Variants in OTULIN observed in about 807,000 individuals in gnomAD.
OTULIN encodes the protein ubiquitin thioesterase otulin.
A neutral mutation model predicts 39.6 loss-of-function variants in OTULIN; 15 were observed. That is an observed-to-expected ratio of 0.38 (90% CI 0.25 to 0.58). The LOEUF is 0.58. Among genes scored for constraint, OTULIN ranks in the 20% least tolerant of loss-of-function variants. The probability of loss-of-function intolerance (pLI) is 0.66; values close to 1 mark genes in which losing one functional copy is unlikely to be tolerated. For synonymous variants in OTULIN, 156 were observed against 170.3 expected (o/e 0.92, Z 0.65); for missense variants, 319 against 445.9 (o/e 0.72, Z 2.56).
chr5:14,713,645 G>A, the OTULIN span: 59 of 1,614,132 alleles, frequency 3.7e-5, 1 homozygote, highest in South Asian at 2.1e-4. The surrounding 1 kb of genome is among the most constrained non-coding windows in gnomAD (Gnocchi z 4.4). Flanking sequence ...TCAGCCACCC[G>A]GTGAGATGCG....
chr5:14,674,245 A>T (rs1736045996), intron 2 of OTULIN: 1 of 152,976 alleles, frequency 6.5e-6, no homozygotes, highest in African/African-American at 2.4e-5. Context: ...TGCCGGAGTG[A>T]GGTGTTACTC....
At chr5:14,676,940 G>A (rs1387812616) in intron 2 of OTULIN, among the ~76,000 whole-genome samples, 1 of 152,144 alleles carries the variant, frequency 6.6e-6, no homozygotes, top group Non-Finnish European at 1.5e-5. Flanking sequence ...ATTGGTCTTT[G>A]TGGTCCCTGT....
chr5:14,667,742 C>T (rs969591691), intron 1 of OTULIN, among the ~76,000 whole-genome samples: 1 of 152,182 alleles, frequency 6.6e-6, no homozygotes, highest in African/African-American at 2.4e-5. Context: ...TTTTTCCATA[C>T]ACCCAGCAGC....
chr5:14,713,068 G>T, the OTULIN span: 1 of 1,199,666 alleles, frequency 8.3e-7, no homozygotes, highest in Non-Finnish European at 1.2e-6. The surrounding 1 kb of genome is among the most constrained non-coding windows in gnomAD (Gnocchi z 4.4). Flanking sequence ...GTAGCCTCGA[G>T]ACGGCTGAGA....
intron 2 of OTULIN, among the ~76,000 whole-genome samples, chr5:14,676,030 C>G (rs1001807986): frequency 2.0e-5 from 3 of 152,162 alleles, no homozygotes; most frequent in Non-Finnish European, 2.9e-5. Flanking sequence ...CAAGCCTTAA[C>G]TTATTTCCTG....
At chr5:14,665,069 G>A in intron 1 of OTULIN, 92 bp downstream of exon 1, 1 of 748,988 alleles carries the variant, frequency 1.3e-6, no homozygotes. Context: ...TCAGCGGAGG[G>A]TCCTGGGCGT....
chr5:14,669,633 TGTG>T (rs1230451054), intron 1 of OTULIN, among the ~76,000 whole-genome samples: 3 of 152,098 alleles, frequency 2.0e-5, no homozygotes, highest in African/African-American at 7.2e-5. Context: ...ATTAGCCAGA[TGTG>T]GTGGTGCATG....
At chr5:14,685,993 T>G (rs980055314) in intron 4 of OTULIN, among the ~76,000 whole-genome samples, 4 of 152,164 alleles carry the variant, frequency 2.6e-5, no homozygotes, top group Non-Finnish European at 4.4e-5. Flanking sequence ...AGCCTTTAGG[T>G]GGGTGGTCAT....
At chr5:14,702,158 G>A (rs1394174686), downstream of OTULIN, among the ~76,000 whole-genome samples, 1 of 152,218 alleles carries the variant, frequency 6.6e-6, no homozygotes, top group African/African-American at 2.4e-5. Flanking sequence ...GGCGCTTGGG[G>A]ACTTGACTGA....
intron 6 of OTULIN, among the ~76,000 whole-genome samples, chr5:14,691,873 T>G (rs1002322236): frequency 5.3e-5 from 8 of 152,228 alleles, no homozygotes; most frequent in Non-Finnish European, 1.0e-4. Flanking sequence ...CTTATTTGAT[T>G]TAGCATAATG....
intron 4 of OTULIN, among the ~76,000 whole-genome samples, chr5:14,685,951 C>G (rs1047760055): frequency 2.9e-4 from 44 of 152,322 alleles, no homozygotes; most frequent in African/African-American, 9.4e-4. Context: ...TGCCGAAACG[C>G]AGGGCAGTGT....
chr5:14,707,814 G>A, the OTULIN span: 1 of 152,186 alleles, frequency 6.6e-6, no homozygotes, highest in East Asian at 1.9e-4. Context: ...ACATTTCCAA[G>A]CCAAACTACC....
chr5:14,682,331 A>G (rs1560997603), intron 4 of OTULIN, among the ~76,000 whole-genome samples: 1 of 152,210 alleles, frequency 6.6e-6, no homozygotes. Context: ...TTGAATTGCA[A>G]AAAAAGAAAT....
intron 1 of OTULIN, among the ~76,000 whole-genome samples, chr5:14,665,892 G>A (rs1392650775): frequency 6.6e-6 from 1 of 152,146 alleles, no homozygotes; most frequent in African/African-American, 2.4e-5. Flanking sequence ...AGCCCCCTTG[G>A]GATGGTGTTA....
At chr5:14,684,509 G>A (rs940828981) in intron 4 of OTULIN, among the ~76,000 whole-genome samples, 3 of 152,218 alleles carry the variant, frequency 2.0e-5, no homozygotes, top group African/African-American at 7.2e-5. Context: ...GTGGCCCGCA[G>A]ACCCTCCTGT....
intron 1 of OTULIN, among the ~76,000 whole-genome samples, chr5:14,665,359 C>T (rs541632401): frequency 2.8e-4 from 42 of 152,268 alleles, no homozygotes; most frequent in African/African-American, 9.9e-4. Flanking sequence ...CTGCAGCCGC[C>T]GGAGAACGGC....
chr5:14,681,424 C>T (rs769108997), intron 3 of OTULIN, 40 bp from the exon 4 acceptor site: 2 of 1,564,528 alleles, frequency 1.3e-6, no homozygotes, highest in African/African-American at 2.7e-5. Flanking sequence ...TATCTCAAGT[C>T]AGTAACGACC....
At position 14,695,099 on chromosome 5, in the gene OTULIN, G is replaced by A. The variant is rs1736632106; in HGVS notation, c.*2051G>A. On this transcript the variant is annotated 3_prime_UTR_variant, in exon 7 of 7. Transcript: ENST00000284274. ...TTCTAATCTTAGTGAACTTGAATTGGATTTCTGGGTAAAAGAATGTGTTTC... is the reference window on the plus strand; with the variant it reads ...TTCTAATCTTAGTGAACTTGAATTGAATTTCTGGGTAAAAGAATGTGTTTC... 1 of 152,106 alleles carries A rather than the reference G, an allele frequency of 6.6e-6. No homozygotes were observed. The highest frequency in any genetic ancestry group is 2.4e-5 in the African/African-American group (1 of 41,414). The allele number at this position is 152,106 out of a possible 1,614,324, so 9.4% of individuals were successfully genotyped here.
At chr5:14,712,831 G>C in the OTULIN span, 2 of 1,542,070 alleles carry the variant, frequency 1.3e-6, no homozygotes, top group Non-Finnish European at 1.8e-6. Flanking sequence ...CCTGCACCCA[G>C]GAGGATGCAC....
Sources: allele counts gnomAD v4.1 joint callset (sites outside exome capture counted in the v4.1 genomes callset), GRCh38; gene constraint gnomAD v4.1.1; non-coding constraint Gnocchi (gnomAD v3.1); transcripts MANE v1.5; gene names NCBI Gene and HGNC (gene_info 2026-07-23, HGNC 2026-07-21).